BTRC: variants seen among roughly 807,000 people sequenced by gnomAD.
BTRC encodes the protein F-box/WD repeat-containing protein 1A.
BTRC carries 42 observed loss-of-function variants against 85.5 expected under a neutral mutation model. The ratio of observed to expected loss-of-function variants is 0.49; its 90% CI spans 0.38 to 0.64. The LOEUF is 0.64. BTRC is among the 30% of genes least tolerant of loss of function. The probability of loss-of-function intolerance (pLI) is 0.00; values close to 1 mark genes in which losing one functional copy is unlikely to be tolerated. For missense variants in BTRC, 594 were observed against 743.5 expected (o/e 0.80, Z 2.34); for synonymous variants, 255 against 263.3 (o/e 0.97, Z 0.30).
chr10:101,367,641 A>G (rs1183167718), intron 1 of BTRC, among the ~76,000 whole-genome samples: 1 of 152,102 alleles, frequency 6.6e-6, no homozygotes, highest in African/African-American at 2.4e-5. Context: ...CTCTCTTATA[A>G]TATCTGTAGA....
intron 13 of BTRC, among the ~76,000 whole-genome samples, chr10:101,540,038 A>T (rs2062442739): frequency 6.6e-6 from 1 of 152,200 alleles, no homozygotes; most frequent in Non-Finnish European, 1.5e-5. Context: ...GCATTATCAG[A>T]TGTAATTCAC....
chr10:101,452,474 G>A (rs556071846), intron 2 of BTRC, among the ~76,000 whole-genome samples: 2 of 152,190 alleles, frequency 1.3e-5, no homozygotes, highest in African/African-American at 4.8e-5. Flanking sequence ...TAAGAATTTG[G>A]AAGCATAAAA....
intron 14 of BTRC, 46 bp downstream of exon 14, chr10:101,550,937 A>G (rs1266911185): frequency 8.1e-6 from 12 of 1,481,006 alleles, no homozygotes; most frequent in Non-Finnish European, 1.1e-5. Flanking sequence ...AGGAGACGGG[A>G]TATTAGCTGT....
At position 101,420,967 on chromosome 10, in the gene BTRC, A is replaced by T. The variant is rs538235946; in HGVS notation, c.49-9378A>T. 4.5e-4 allele frequency among the ~76,000 whole-genome samples: 67 copies of T among 150,096 alleles called. 2 individuals are homozygous for T. The East Asian group carries it at 0.012, about 27-fold the overall frequency. On this transcript the variant is annotated intron_variant, in intron 1 of 14. Transcript: ENST00000370187. Reference sequence around the variant, plus strand: ...ATCTCTGTAATCGCTACAGGTTTATACTCATATTTTCATGCCATATTTTTC... The same window carrying T: ...ATCTCTGTAATCGCTACAGGTTTATTCTCATATTTTCATGCCATATTTTTC...
chr10:101,480,538 T>C (rs1256274860), intron 4 of BTRC, among the ~76,000 whole-genome samples: 1 of 152,226 alleles, frequency 6.6e-6, no homozygotes, highest in African/African-American at 2.4e-5. Context: ...AGAGACTAGC[T>C]AGATATCCGA....
intron 4 of BTRC, among the ~76,000 whole-genome samples, chr10:101,499,408 G>A (rs1234690609): frequency 6.6e-6 from 1 of 151,938 alleles, no homozygotes; most frequent in East Asian, 1.9e-4. Flanking sequence ...TGTATTTTTA[G>A]TAGAGGTGGG....
In BTRC at chr10:101,405,253, G is replaced by GA. The variant is rs560389277; in HGVS notation, c.49-25081dup. Among the ~76,000 whole-genome samples the GA allele has an allele frequency of 4.2e-3, 593 of 142,384 alleles. 1 individual carries two copies. Among genetic ancestry groups the GA allele is most frequent in the Middle Eastern group, 0.018 (5 of 282 alleles). 93.4% of individuals were successfully genotyped at this position (142,384 alleles called of 152,430 possible). ...GGGGCTACGCAATGGGAGGCTAGAG[G>GA]AAAAAAAAAAAGCAATGAGGTTTTG... On this transcript the variant is annotated intron_variant, in intron 1 of 14. Transcript: ENST00000370187.
chr10:101,388,570 G>C (rs937780246), intron 1 of BTRC, among the ~76,000 whole-genome samples: 1 of 151,824 alleles, frequency 6.6e-6, no homozygotes, highest in Non-Finnish European at 1.5e-5. Flanking sequence ...GCTCACTGCT[G>C]CCTCGACCTC....
At chr10:101,405,853 A>G (rs932736432) in intron 1 of BTRC, among the ~76,000 whole-genome samples, 2 of 152,196 alleles carry the variant, frequency 1.3e-5, no homozygotes, top group African/African-American at 2.4e-5. Context: ...TTCATGGCCC[A>G]TCTTAAGGTC....
In BTRC at chr10:101,527,541, C is replaced by T. The variant is rs546727909; in HGVS notation, c.743+1342C>T. On this transcript the variant is annotated intron_variant, in intron 6 of 14. Transcript: ENST00000370187. ...GCCAAGGCAAGAGGATCGTTTGAGC[C>T]CAGGAGTTTGATACCAGGCTGGGCA... Among the ~76,000 whole-genome samples, 4 of 152,132 alleles carry T rather than the reference C, an allele frequency of 2.6e-5. No individual in the cohort carries two copies. In the East Asian group the frequency reaches 5.8e-4, roughly 22 times the overall value.
intron 3 of BTRC, among the ~76,000 whole-genome samples, chr10:101,470,330 T>G (rs1203830554): frequency 3.0e-5 from 1 of 33,282 alleles, no homozygotes; most frequent in Non-Finnish European, 5.1e-5. Flanking sequence ...TTTTTCTTTC[T>G]TTTTTTTTTT....
At chr10:101,383,976 A>C (rs1002187346) in intron 1 of BTRC, among the ~76,000 whole-genome samples, 2 of 152,136 alleles carry the variant, frequency 1.3e-5, no homozygotes, top group African/African-American at 4.8e-5. Flanking sequence ...CAGCCTCCCA[A>C]ATAGTTGCCG....
chr10:101,532,746 C>A (rs2062305922), intron 8 of BTRC, among the ~76,000 whole-genome samples: 1 of 96,984 alleles, frequency 1.0e-5, no homozygotes. Context: ...AGTACTGAAG[C>A]TATATGTGTG....
intron 4 of BTRC, among the ~76,000 whole-genome samples, chr10:101,489,557 A>G (rs1251556131): frequency 1.3e-5 from 2 of 152,164 alleles, no homozygotes; most frequent in Non-Finnish European, 2.9e-5. Context: ...AAGCTTGTGA[A>G]ACCTGAGCCT....
At chr10:101,370,288 A>AT (rs1461763140) in intron 1 of BTRC, among the ~76,000 whole-genome samples, 1 of 151,760 alleles carries the variant, frequency 6.6e-6, no homozygotes, top group African/African-American at 2.4e-5. Context: ...CGCCTGGCTA[A>AT]TTTTTTGTAG....
intron 2 of BTRC, among the ~76,000 whole-genome samples, chr10:101,451,983 C>T (rs1416191292): frequency 2.0e-5 from 3 of 152,050 alleles, no homozygotes; most frequent in African/African-American, 4.8e-5. Flanking sequence ...GGAGTTGTCA[C>T]GAGTTCATAA....
At chr10:101,547,618 C>T (rs1589629326) in intron 13 of BTRC, among the ~76,000 whole-genome samples, 1 of 151,948 alleles carries the variant, frequency 6.6e-6, no homozygotes, top group Non-Finnish European at 1.5e-5. Flanking sequence ...GGATTATAGG[C>T]GTGAGCCACT....
intron 1 of BTRC, among the ~76,000 whole-genome samples, chr10:101,368,955 G>A (rs978076999): frequency 6.6e-6 from 1 of 152,142 alleles, no homozygotes; most frequent in African/African-American, 2.4e-5. Context: ...GGAGGCGGAG[G>A]TTGCAGTGAG....
At chr10:101,485,634 T>C (rs1229353625) in intron 4 of BTRC, among the ~76,000 whole-genome samples, 1 of 151,928 alleles carries the variant, frequency 6.6e-6, no homozygotes, top group Non-Finnish European at 1.5e-5. Flanking sequence ...CTATGAACCG[T>C]TTTTTTTGTT....
Sources: allele counts gnomAD v4.1 joint callset (sites outside exome capture counted in the v4.1 genomes callset), GRCh38; gene constraint gnomAD v4.1.1; transcripts MANE v1.5; gene names NCBI Gene and HGNC (gene_info 2026-07-23, HGNC 2026-07-21).